STPG4: variants seen among roughly 807,000 people sequenced by gnomAD.
The protein encoded by STPG4 is sperm-tail PG-rich repeat containing 4, also known as protein STPG4.
A neutral mutation model predicts 31.5 loss-of-function variants in STPG4; 41 were observed. The observed-to-expected ratio is 1.30, with a 90% CI of 1.01 to 1.69. The LOEUF (loss-of-function observed/expected upper bound fraction) is 1.69, where lower values mean the gene tolerates loss of function less well. Among genes scored for constraint, STPG4 ranks in the 40% most tolerant of loss-of-function variants. The pLI is 0.00. For synonymous variants in STPG4, 141 were observed against 103.0 expected, an observed-to-expected ratio of 1.37 and a Z score of -2.24; for missense variants, 375 against 293.4, an observed-to-expected ratio of 1.28 and a Z score of -2.03.
rs756431958 is a variant in STPG4 at position 47,151,453 on chromosome 2, T to C, written c.204A>G (p.Pro68=). The change falls in exon 3 of 7, where the codon CCA becomes CCG. Residue 68 remains proline, a synonymous_variant. Coordinates refer to ENST00000445927, the MANE Select transcript of STPG4 (RefSeq NM_001163561.2). ...KTFIEESLLN[P]VIATYNFKNE... ...TTTTAAAATTGTAGGTTGCTATCAC[T>C]GGATTTAATAGGGATTCTTCAATAA... The C allele has an allele frequency of 1.1e-5, 18 of 1,613,916 alleles. No homozygotes were observed. Among genetic ancestry groups the C allele is most frequent in the Non-Finnish European group, 1.7e-6 (2 of 1,179,860 alleles).
chr2:47,095,747 G>C (rs1467817019), intron 5 of STPG4, among the ~76,000 whole-genome samples: 1 of 152,194 alleles, frequency 6.6e-6, no homozygotes, highest in Non-Finnish European at 1.5e-5. Flanking sequence ...CTGGGCTCAT[G>C]TCTACCCAGA....
At chr2:47,103,717 G>C (rs1355094483) in intron 5 of STPG4, among the ~76,000 whole-genome samples, 3 of 152,008 alleles carry the variant, frequency 2.0e-5, no homozygotes, top group Admixed American at 2.0e-4. Context: ...ACTGCCCAGA[G>C]GATGAAGGTT....
intron 3 of STPG4, among the ~76,000 whole-genome samples, chr2:47,150,088 G>C (rs1200774647): frequency 6.6e-6 from 1 of 152,178 alleles, no homozygotes; most frequent in Non-Finnish European, 1.5e-5. Context: ...TAGTTTTCTT[G>C]CATGTAAAAT....
chr2:47,139,407 A>AT (rs33970494), intron 3 of STPG4, among the ~76,000 whole-genome samples: 4,655 of 147,098 alleles, frequency 0.032, 112 homozygotes, highest in African/African-American at 0.061. Context: ...CTCCTGCTTT[A>AT]TTTTTTTTTT....
At chr2:47,136,570 T>C (rs1176479594) in intron 3 of STPG4, among the ~76,000 whole-genome samples, 1 of 152,244 alleles carries the variant, frequency 6.6e-6, no homozygotes, top group African/African-American at 2.4e-5. Flanking sequence ...TCATTATATA[T>C]GTGTGTGTTC....
intron 5 of STPG4, among the ~76,000 whole-genome samples, chr2:47,097,403 G>C (rs1402603812): frequency 1.3e-5 from 2 of 152,160 alleles, no homozygotes; most frequent in Non-Finnish European, 1.5e-5. Flanking sequence ...AAATTCGTAT[G>C]TTGGAACCTA....
chr2:47,099,132 G>A (rs1041876606), intron 5 of STPG4, among the ~76,000 whole-genome samples: 2 of 152,222 alleles, frequency 1.3e-5, no homozygotes, highest in African/African-American at 4.8e-5. Context: ...TCACAAACCT[G>A]CCCCACCTCA....
chr2:47,142,308 A>C (rs1686731015), intron 3 of STPG4, among the ~76,000 whole-genome samples: 1 of 152,084 alleles, frequency 6.6e-6, no homozygotes, highest in South Asian at 2.1e-4. Flanking sequence ...GAGGGAATAG[A>C]ATTGCCAAAT....
intron 5 of STPG4, among the ~76,000 whole-genome samples, chr2:47,105,660 A>G (rs1326614151): frequency 6.6e-6 from 1 of 152,058 alleles, no homozygotes; most frequent in African/African-American, 2.4e-5. Context: ...ATGGGATACG[A>G]AGGGCAGGTT....
At chr2:47,096,627 G>A (rs1403617742) in intron 5 of STPG4, among the ~76,000 whole-genome samples, 1 of 152,178 alleles carries the variant, frequency 6.6e-6, no homozygotes, top group African/African-American at 2.4e-5. Context: ...CAGGGGGTTA[G>A]GGACTGCTGC....
At chr2:47,128,729 G>A (rs1380687139) in intron 5 of STPG4, 1 of 152,128 alleles carries the variant, frequency 6.6e-6, no homozygotes. Flanking sequence ...TGACATCCAG[G>A]AGCCAATGCC....
chr2:47,098,208 G>A (rs1281271909), intron 5 of STPG4, among the ~76,000 whole-genome samples: 1 of 152,192 alleles, frequency 6.6e-6, no homozygotes, highest in Non-Finnish European at 1.5e-5. Context: ...ACCCAAAACG[G>A]GTTCACCAGG....
intron 2 of STPG4, 131 bp downstream of exon 2, chr2:47,152,826 C>G: frequency 1.8e-6 from 1 of 545,004 alleles, no homozygotes; most frequent in Non-Finnish European, 3.0e-6. Context: ...TTAAGTATGA[C>G]ATGAGGTCCA....
At chr2:47,136,097 A>T (rs1686589190) in intron 3 of STPG4, among the ~76,000 whole-genome samples, 1 of 152,098 alleles carries the variant, frequency 6.6e-6, no homozygotes, top group African/African-American at 2.4e-5. Flanking sequence ...GACAATATTG[A>T]TCTTCCTATC....
chr2:47,151,190 T>A, intron 3 of STPG4, 68 bp downstream of exon 3: 2 of 1,567,612 alleles, frequency 1.3e-6, no homozygotes, highest in East Asian at 4.5e-5. Context: ...ACTCTACGTA[T>A]AAAAATACTT....
intron 3 of STPG4, among the ~76,000 whole-genome samples, chr2:47,146,895 G>C (rs902005425): frequency 8.5e-5 from 13 of 152,068 alleles, no homozygotes; most frequent in Non-Finnish European, 1.6e-4. Flanking sequence ...TCAGCACTTT[G>C]GGGGGATGAG....
rs560889244 is a variant in STPG4, at chr2:47,154,199, CTTTAT to C, written c.81+967_81+971del. Among the ~76,000 whole-genome samples, 203 of 152,316 alleles carry C rather than the reference CTTTAT, an allele frequency of 1.3e-3. 1 individual carries two copies. Among genetic ancestry groups the C allele is most frequent in the African/African-American group, 4.7e-3 (196 of 41,558 alleles). On this transcript the variant is annotated intron_variant, in intron 1 of 6. Coordinates refer to ENST00000445927, the MANE Select transcript of STPG4 (RefSeq NM_001163561.2). ...TACTGTACTTATGAGTACCACTGGGCTTTATTTTATTATGAAATATGTTAATTTCT... is the reference window on the plus strand; with the variant it reads ...TACTGTACTTATGAGTACCACTGGGCTTTATTATGAAATATGTTAATTTCT...
In STPG4 at chr2:47,095,181, T is replaced by C. The variant is rs1237536607; in HGVS notation, c.520-4807A>G. ...TCTCTCCCCAGTTTTTAAGGTCTTA[T>C]GAATTTGGAGTTCCCGGTACCTCAG... On this transcript the variant is annotated intron_variant, in intron 5 of 6. Coordinates refer to ENST00000445927, the MANE Select transcript of STPG4 (RefSeq NM_001163561.2). Among the ~76,000 whole-genome samples, 4 of 152,244 alleles carry C rather than the reference T, an allele frequency of 2.6e-5. No homozygotes were observed. The East Asian group carries it at 5.8e-4, about 22-fold the overall frequency.
intron 5 of STPG4, among the ~76,000 whole-genome samples, chr2:47,109,395 A>G (rs1026732414): frequency 1.3e-5 from 2 of 152,048 alleles, no homozygotes; most frequent in African/African-American, 4.8e-5. Flanking sequence ...CATCTCTACT[A>G]AAAATACAAA....
Sources: gnomAD v4.1 joint callset for allele counts (sites outside exome capture counted in the v4.1 genomes callset) on GRCh38, gnomAD v4.1.1 for gene constraint, MANE v1.5 for transcripts, NCBI Gene and HGNC (gene_info 2026-07-23, HGNC 2026-07-21) for gene names.